The following NEGR1 variants were observed in gnomAD, a reference collection of about 807,000 sequenced individuals.
NEGR1 encodes the protein IgLON family member 4.
NEGR1 carries 10 observed loss-of-function variants against 40.9 expected under a neutral mutation model. The ratio of observed to expected loss-of-function variants is 0.24; its 90% CI spans 0.15 to 0.42. The LOEUF (loss-of-function observed/expected upper bound fraction) is 0.42, where lower values mean the gene tolerates loss of function less well. NEGR1 is among the 10% of genes least tolerant of loss of function. The probability of loss-of-function intolerance (pLI) is 1.00; values close to 1 mark genes in which losing one functional copy is unlikely to be tolerated. For missense variants in NEGR1, 352 were observed against 438.9 expected, an observed-to-expected ratio of 0.80 and a Z score of 1.77; for synonymous variants, 185 against 166.8, an observed-to-expected ratio of 1.11 and a Z score of -0.84.
At chr1:71,782,536 C>T (rs1490340410) in intron 2 of NEGR1, among the ~76,000 whole-genome samples, 1 of 152,106 alleles carries the variant, frequency 6.6e-6, no homozygotes, top group Non-Finnish European at 1.5e-5. Context: ...TGTATCTCTT[C>T]ATAGAATCTA....
intron 6 of NEGR1, among the ~76,000 whole-genome samples, chr1:71,419,555 T>A (rs1646379634): frequency 1.3e-5 from 2 of 152,188 alleles, no homozygotes; most frequent in African/African-American, 4.8e-5. Flanking sequence ...AAATCTGTTT[T>A]TTTTCCTCAT....
intron 2 of NEGR1, among the ~76,000 whole-genome samples, chr1:71,831,481 A>T (rs1292656611): frequency 6.6e-6 from 1 of 151,910 alleles, no homozygotes; most frequent in Non-Finnish European, 1.5e-5. Flanking sequence ...AAAAGGGAAA[A>T]ATTTATACCT....
intron 6 of NEGR1, among the ~76,000 whole-genome samples, chr1:71,454,119 C>T (rs1248696619): frequency 6.6e-6 from 1 of 152,124 alleles, no homozygotes; most frequent in Non-Finnish European, 1.5e-5. Flanking sequence ...AGAATATTCC[C>T]AGTATTAATT....
At chr1:72,171,600 T>A (rs1275849076) in intron 1 of NEGR1, among the ~76,000 whole-genome samples, 1 of 152,210 alleles carries the variant, frequency 6.6e-6, no homozygotes, top group Non-Finnish European at 1.5e-5. Context: ...CAATGCTTTG[T>A]CTTTTTTGCC....
chr1:72,267,849 G>A (rs1343782863), intron 1 of NEGR1, among the ~76,000 whole-genome samples: 1 of 151,266 alleles, frequency 6.6e-6, no homozygotes, highest in East Asian at 1.9e-4. Context: ...AGATTATGAT[G>A]CTAACAGAAG....
chr1:71,920,860 C>G (rs1022751001), intron 2 of NEGR1, among the ~76,000 whole-genome samples: 2 of 152,118 alleles, frequency 1.3e-5, no homozygotes, highest in African/African-American at 4.8e-5. Context: ...AGCTCTACAG[C>G]CTCTCTGTAA....
At chr1:71,908,215 A>C (rs983778236) in intron 2 of NEGR1, among the ~76,000 whole-genome samples, 1 of 106,780 alleles carries the variant, frequency 9.4e-6, no homozygotes, top group Non-Finnish European at 1.7e-5. Flanking sequence ...ATGCCACTAC[A>C]AAAAAAAAAA....
At chr1:71,441,739 G>A (rs539593115) in intron 6 of NEGR1, among the ~76,000 whole-genome samples, 2 of 152,058 alleles carry the variant, frequency 1.3e-5, no homozygotes, top group South Asian at 4.1e-4. Flanking sequence ...AGCCCAACTT[G>A]GTTGTTTGGT....
chr1:71,987,472 C>T (rs1050784125), intron 1 of NEGR1, among the ~76,000 whole-genome samples: 1 of 152,060 alleles, frequency 6.6e-6, no homozygotes, highest in African/African-American at 2.4e-5. Context: ...TAAATAACGC[C>T]GACCAAATAG....
chr1:72,103,699 T>C (rs1649028063), intron 1 of NEGR1, among the ~76,000 whole-genome samples: 1 of 152,076 alleles, frequency 6.6e-6, no homozygotes, highest in South Asian at 2.1e-4. Flanking sequence ...GTGGTTAGTT[T>C]CTCTCTATTT....
intron 3 of NEGR1, among the ~76,000 whole-genome samples, chr1:71,721,742 G>A (rs989948031): frequency 2.6e-5 from 4 of 152,086 alleles, no homozygotes; most frequent in Non-Finnish European, 5.9e-5. Flanking sequence ...CATTGCCCCC[G>A]ATGGAGAAAC....
intron 3 of NEGR1, among the ~76,000 whole-genome samples, chr1:71,736,575 C>G (rs1407465976): frequency 2.0e-5 from 3 of 152,130 alleles, no homozygotes; most frequent in Admixed American, 6.6e-5. Flanking sequence ...TATTTCCTAT[C>G]TGAGCCAGCA....
chr1:71,534,686 T>G (rs1647460445), intron 6 of NEGR1, among the ~76,000 whole-genome samples: 1 of 151,738 alleles, frequency 6.6e-6, no homozygotes, highest in African/African-American at 2.4e-5. Context: ...TATTCCATTT[T>G]CCATTTGCAA....
At chr1:72,199,503 C>G (rs976410599) in intron 1 of NEGR1, among the ~76,000 whole-genome samples, 11 of 152,050 alleles carry the variant, frequency 7.2e-5, no homozygotes, top group Middle Eastern at 3.4e-3. Context: ...TCGCAGGTTT[C>G]CTATCCCATT....
intron 3 of NEGR1, among the ~76,000 whole-genome samples, chr1:71,724,349 C>G (rs964709096): frequency 6.6e-6 from 1 of 152,108 alleles, no homozygotes; most frequent in Admixed American, 6.6e-5. Flanking sequence ...ATGATAGTTA[C>G]ATAGATAGAA....
At chr1:71,512,703 T>G (rs1488859000) in intron 6 of NEGR1, among the ~76,000 whole-genome samples, 3 of 151,390 alleles carry the variant, frequency 2.0e-5, no homozygotes, top group African/African-American at 7.3e-5. Context: ...TGCCTCAACC[T>G]CCCGAGTAGC....
At chr1:71,822,951 T>C (rs1658484981) in intron 2 of NEGR1, among the ~76,000 whole-genome samples, 1 of 151,964 alleles carries the variant, frequency 6.6e-6, no homozygotes, top group Admixed American at 6.6e-5. Flanking sequence ...TTGCAGGCAA[T>C]AGTCTGAGAG....
chr1:71,783,837 C>CCCAT (rs758122735), intron 2 of NEGR1, among the ~76,000 whole-genome samples: 8,119 of 136,914 alleles, frequency 0.059, 251 homozygotes, highest in East Asian at 0.16. Flanking sequence ...CATCCATCCA[C>CCCAT]CCGTCCATCC....
intron 6 of NEGR1, among the ~76,000 whole-genome samples, chr1:71,520,511 G>C (rs997700146): frequency 4.6e-5 from 7 of 152,044 alleles, no homozygotes; most frequent in African/African-American, 1.7e-4. Flanking sequence ...ATTCCCACTG[G>C]CAGGTTATGG....
Sources: allele counts gnomAD v4.1 joint callset (sites outside exome capture counted in the v4.1 genomes callset), GRCh38; gene constraint gnomAD v4.1.1; transcripts MANE v1.5; gene names NCBI Gene and HGNC (gene_info 2026-07-23, HGNC 2026-07-21).